Variants in CLNK observed in about 807,000 individuals in gnomAD.
CLNK encodes cytokine-dependent hematopoietic cell linker.
In CLNK, 74 loss-of-function variants were observed where a neutral mutation model predicts 68.6. That is an observed-to-expected ratio of 1.08 (90% CI 0.89 to 1.31). The LOEUF is 1.31. CLNK is among the 50% of genes most tolerant of loss of function. The probability of loss-of-function intolerance (pLI) is 0.00; values close to 1 mark genes in which losing one functional copy is unlikely to be tolerated. For missense variants in CLNK, 553 were observed against 515.3 expected, an observed-to-expected ratio of 1.07 and a Z score of -0.71; for synonymous variants, 198 against 172.2, an observed-to-expected ratio of 1.15 and a Z score of -1.17.
At chr4:10,587,871 C>G (rs566388021) in intron 3 of CLNK, among the ~76,000 whole-genome samples, 1 of 152,196 alleles carries the variant, frequency 6.6e-6, no homozygotes, top group African/African-American at 2.4e-5. Flanking sequence ...TAGGAGGCAC[C>G]GTGCAGCTGC....
intron 12 of CLNK, 122 bp downstream of exon 12, chr4:10,532,134 T>C (rs1577110870): frequency 1.3e-6 from 1 of 769,788 alleles, no homozygotes; most frequent in East Asian, 2.6e-5. Context: ...CTAATGCATT[T>C]TGAGCATAGC....
intron 4 of CLNK, among the ~76,000 whole-genome samples, chr4:10,574,785 A>G (rs964293399): frequency 2.0e-5 from 3 of 152,200 alleles, no homozygotes; most frequent in Non-Finnish European, 2.9e-5. Context: ...CGCTTATGTT[A>G]TCTATAGATT....
intron 12 of CLNK, 34 bp from the exon 13 acceptor site, chr4:10,528,128 C>A: frequency 1.7e-6 from 2 of 1,144,112 alleles, no homozygotes; most frequent in East Asian, 3.1e-5. Flanking sequence ...AATTTACTGA[C>A]TCTTGATGAC....
chr4:10,611,652 G>A (rs1639200904), intron 2 of CLNK, among the ~76,000 whole-genome samples: 1 of 152,060 alleles, frequency 6.6e-6, no homozygotes, highest in Admixed American at 6.5e-5. Flanking sequence ...ATCCCAGCAG[G>A]TCCACAAAAA....
intron 2 of CLNK, among the ~76,000 whole-genome samples, chr4:10,648,826 A>G (rs1204638489): frequency 2.0e-5 from 3 of 152,154 alleles, no homozygotes; most frequent in Non-Finnish European, 4.4e-5. Flanking sequence ...AGTTATCTCA[A>G]TCATCTCATG....
intron 2 of CLNK, among the ~76,000 whole-genome samples, chr4:10,614,598 C>G (rs1268568011): frequency 6.6e-6 from 1 of 152,176 alleles, no homozygotes; most frequent in African/African-American, 2.4e-5. Context: ...GTTAGGCAGG[C>G]AGAATCCCAG....
At chr4:10,598,634 A>G (rs560095966) in intron 2 of CLNK, 94 of 435,598 alleles carry the variant, frequency 2.2e-4, no homozygotes, top group African/African-American at 1.4e-3. Context: ...GGCACTTTCT[A>G]TGAAGAGATT....
At chr4:10,602,213 A>G (rs1287439973) in intron 2 of CLNK, among the ~76,000 whole-genome samples, 1 of 152,202 alleles carries the variant, frequency 6.6e-6, no homozygotes, top group Non-Finnish European at 1.5e-5. Context: ...TTCCCCTGTG[A>G]AAATGTCTTC....
At chr4:10,559,057 C>A (rs989453754) in intron 7 of CLNK, among the ~76,000 whole-genome samples, 2 of 152,146 alleles carry the variant, frequency 1.3e-5, no homozygotes, top group South Asian at 2.1e-4. Context: ...GTGTCGCTAA[C>A]CACACTGAAT....
chr4:10,584,848 CA>C, intron 4 of CLNK, 78 bp downstream of exon 4: 1 of 1,452,732 alleles, frequency 6.9e-7, no homozygotes, highest in Non-Finnish European at 9.5e-7. Flanking sequence ...GAAATAAAAA[CA>C]AAAAAGAATG....
intron 2 of CLNK, among the ~76,000 whole-genome samples, chr4:10,639,251 A>G (rs1453354929): frequency 6.6e-6 from 1 of 152,134 alleles, no homozygotes; most frequent in Non-Finnish European, 1.5e-5. Context: ...TGAGTCTTTT[A>G]CCCAGCCAGC....
intron 11 of CLNK, among the ~76,000 whole-genome samples, chr4:10,535,476 T>C (rs1044580471): frequency 1.3e-5 from 2 of 152,220 alleles, no homozygotes; most frequent in African/African-American, 4.8e-5. Context: ...TGTGACTAAA[T>C]GAATTAATAC....
At chr4:10,505,911 A>G (rs1196954115) in intron 17 of CLNK, among the ~76,000 whole-genome samples, 8 of 152,234 alleles carry the variant, frequency 5.3e-5, no homozygotes, top group Admixed American at 5.2e-4. Flanking sequence ...CATATAATTT[A>G]TTTAATTTTA....
chr4:10,657,132 C>T lies in CLNK; in HGVS notation c.11+10727G>A, dbSNP rs1233746947. Among the ~76,000 whole-genome samples, 7 of 152,284 alleles carry T rather than the reference C, an allele frequency of 4.6e-5. No homozygotes were observed. In the East Asian group the frequency reaches 1.4e-3, roughly 29 times the overall value. On this transcript the variant is annotated intron_variant, in intron 2 of 18. Transcript: ENST00000226951. ...AGACTTCTTAACTTTCTCAAGAACT[C>T]ATAGCTCGTAACTGGTAGAACCAGT...
intron 2 of CLNK, among the ~76,000 whole-genome samples, chr4:10,611,495 T>TCAA (rs1274936982): frequency 7.0e-5 from 1 of 14,300 alleles, no homozygotes; most frequent in Non-Finnish European, 3.6e-4. Context: ...AGGCTAAGTC[T>TCAA]GAAAAAAAAA....
At chr4:10,710,700 G>A in the CLNK span, among the ~76,000 whole-genome samples, 1 of 152,190 alleles carries the variant, frequency 6.6e-6, no homozygotes, top group African/African-American at 2.4e-5. Context: ...TTTCTCCCCT[G>A]AGCCAGCCTC....
At chr4:10,492,657 G>A (rs763266279) in intron 18 of CLNK, among the ~76,000 whole-genome samples, 3 of 152,134 alleles carry the variant, frequency 2.0e-5, no homozygotes, top group Admixed American at 6.5e-5. Context: ...CAATTAAAAC[G>A]CTATAAACCT....
intron 18 of CLNK, among the ~76,000 whole-genome samples, chr4:10,497,918 G>A (rs528114354): frequency 1.3e-5 from 2 of 152,344 alleles, no homozygotes; most frequent in South Asian, 2.1e-4. Context: ...TTTCCTGGCC[G>A]GGCGCAGTGG....
chr4:10,660,545 A>G (rs1724156957), intron 2 of CLNK, among the ~76,000 whole-genome samples: 1 of 152,254 alleles, frequency 6.6e-6, no homozygotes, highest in East Asian at 1.9e-4. Flanking sequence ...AAACTCATGC[A>G]TTAAGTACAT....
Sources: gnomAD v4.1 joint callset for allele counts (sites outside exome capture counted in the v4.1 genomes callset) on GRCh38, gnomAD v4.1.1 for gene constraint, MANE v1.5 for transcripts, NCBI Gene and HGNC (gene_info 2026-07-23, HGNC 2026-07-21) for gene names.